The following TBK1 variants were observed in gnomAD, a reference collection of about 807,000 sequenced individuals.
TBK1 encodes the protein TANK binding kinase 1.
Under a neutral mutation model 99.9 loss-of-function variants are expected in TBK1, and 37 were observed. The ratio of observed to expected loss-of-function variants is 0.37; its 90% CI spans 0.28 to 0.49. The LOEUF (loss-of-function observed/expected upper bound fraction) is 0.49, where lower values mean the gene tolerates loss of function less well. Among genes scored for constraint, TBK1 ranks in the 20% least tolerant of loss-of-function variants. TBK1 has a pLI of 0.98. For synonymous variants in TBK1, 258 were observed against 279.8 expected (o/e 0.92, Z 0.78); for missense variants, 644 against 872.5 (o/e 0.74, Z 3.30).
At chr12:64,474,478 TA>T (rs1464408830) in intron 6 of TBK1, 88 bp downstream of exon 6, 1 of 1,265,738 alleles carries the variant, frequency 7.9e-7, no homozygotes, top group African/African-American at 1.5e-5. Context: ...TTTATGCTAA[TA>T]AAAATTGATT....
chr12:64,497,103 A>G lies in TBK1; in HGVS notation c.1862+53A>G, dbSNP rs2040934398. The G allele has an allele frequency of 2.5e-6, 4 of 1,576,980 alleles. No individual in the cohort carries two copies. The South Asian group carries it at 4.5e-5, about 18-fold the overall frequency. ...GTGGTTGACTGCACAATATAAATGTATATTTGAAGTAAGAATGCTTCACTA... is the reference window on the plus strand; with the variant it reads ...GTGGTTGACTGCACAATATAAATGTGTATTTGAAGTAAGAATGCTTCACTA... On this transcript the variant is annotated intron_variant, in intron 17 of 20. Transcript: ENST00000331710.
intron 5 of TBK1, among the ~76,000 whole-genome samples, chr12:64,473,992 G>A (rs913120311): frequency 6.6e-6 from 1 of 152,126 alleles, no homozygotes; most frequent in African/African-American, 2.4e-5. Context: ...GGGAGTGCTG[G>A]TCTGATTCCT....
rs1320856352 is a variant in TBK1 at position 64,455,835 on chromosome 12, C to G, written c.-31-5C>G. On this transcript the variant is annotated splice_region_variant and splice_polypyrimidine_tract_variant and intron_variant, in intron 1 of 20. Coordinates refer to ENST00000331710, the MANE Select transcript of TBK1 (RefSeq NM_013254.4). ...ACATAGTTGCAAATTTTTTTTTTCT[C>G]TTAGTATAACAAGAGGATTGCCTGA... 5 of 1,545,482 alleles carry G rather than the reference C, an allele frequency of 3.2e-6. No individual in the cohort carries two copies. The highest frequency in any genetic ancestry group is 3.5e-6 in the Non-Finnish European group (4 of 1,143,232).
At chr12:64,476,723 A>G (rs957616583) in intron 6 of TBK1, among the ~76,000 whole-genome samples, 1 of 152,012 alleles carries the variant, frequency 6.6e-6, no homozygotes, top group Non-Finnish European at 1.5e-5. Flanking sequence ...ATTTTGGGGT[A>G]TTCATCCTGA....
rs185560752 is a variant in TBK1, at chr12:64,491,245, G to A, written c.1521+1126G>A. On this transcript the variant is annotated intron_variant, in intron 13 of 20. Coordinates refer to ENST00000331710, the MANE Select transcript of TBK1 (RefSeq NM_013254.4). Reference sequence around the variant, plus strand: ...GGCCTTTTAATTCTTTGCATCCTTGGTTTCTTTTTCTCTAAAATCAGCAAT... The same window carrying A: ...GGCCTTTTAATTCTTTGCATCCTTGATTTCTTTTTCTCTAAAATCAGCAAT... 1.3e-3 allele frequency among the ~76,000 whole-genome samples: 205 copies of A among 152,158 alleles called. 3 individuals carry two copies. Among genetic ancestry groups the A allele is most frequent in the Admixed American group, 0.013 (201 of 15,278 alleles).
Position 64,460,335 on chromosome 12 carries a change from T to C in TBK1, c.228+6T>C, listed in dbSNP as rs2040533585. The C allele has an allele frequency of 2.6e-6, 4 of 1,534,546 alleles. No individual in the cohort carries two copies. The highest frequency in any genetic ancestry group is 3.5e-6 in the Non-Finnish European group (4 of 1,136,100). On this transcript the variant is annotated splice_donor_region_variant and intron_variant, in intron 3 of 20. Transcript: ENST00000331710. ...TATTTGCTATTGAAGAGGAGGTAAG[T>C]AGTAAAACTTCAATCTTATATTTAT...
At chr12:64,488,465 T>G (rs955642319) in intron 11 of TBK1, 22 bp from the exon 12 acceptor site, 5 of 1,432,046 alleles carry the variant, frequency 3.5e-6, no homozygotes. Flanking sequence ...ATAAACTAAT[T>G]AGAATAATTT....
intron 7 of TBK1, 127 bp downstream of exon 7, chr12:64,480,249 ATGTGCTT>A (rs2040756106): frequency 1.7e-6 from 1 of 585,348 alleles, no homozygotes; most frequent in Non-Finnish European, 2.9e-6. Context: ...TTGTCAAAGC[ATGTGCTT>A]TGATAAATGA....
At chr12:64,454,277 C>G (rs888257471) in intron 1 of TBK1, among the ~76,000 whole-genome samples, 1 of 152,174 alleles carries the variant, frequency 6.6e-6, no homozygotes, top group East Asian at 1.9e-4. Flanking sequence ...GATGGAGTCT[C>G]GCTCTGTCAC....
rs1481381583 is a variant in TBK1 at position 64,464,376 on chromosome 12, T to C, written c.271T>C (p.Cys91Arg). The part of the protein sequence containing the change: ...HKVLIMEFCP[C>R]GSLYTVLEEP... Reference sequence around the variant, plus strand: ...AGTACTTATTATGGAATTTTGTCCATGTGGGAGTTTATACACTGTTTTAGA... The same window carrying C: ...AGTACTTATTATGGAATTTTGTCCACGTGGGAGTTTATACACTGTTTTAGA... Residue 91 changes from cysteine to arginine, a missense_variant, in exon 4 of 21, where the codon TGT becomes CGT. Transcript: ENST00000331710. 1.2e-6 allele frequency: 2 copies of C among 1,606,376 alleles called. No homozygotes were observed. Among genetic ancestry groups the C allele is most frequent in the Admixed American group, 3.4e-5 (2 of 58,822 alleles).
chr12:64,455,683 T>C (rs761946275), intron 1 of TBK1, among the ~76,000 whole-genome samples, 157 bp from the exon 2 acceptor site: 8 of 152,232 alleles, frequency 5.3e-5, no homozygotes, highest in Non-Finnish European at 1.0e-4. Flanking sequence ...GACTTGAAAA[T>C]ACTTTGAAAC....
intron 5 of TBK1, among the ~76,000 whole-genome samples, chr12:64,472,068 T>C (rs2040667637): frequency 6.6e-6 from 1 of 151,792 alleles, no homozygotes; most frequent in African/African-American, 2.4e-5. Context: ...TGGCAATCAC[T>C]TCTTTGGACA....
At chr12:64,485,422 T>A in intron 9 of TBK1, 33 bp from the exon 10 acceptor site, 1 of 1,232,732 alleles carries the variant, frequency 8.1e-7, no homozygotes, top group Non-Finnish European at 1.1e-6. Context: ...TCAAAAAGTT[T>A]TCTTTCTCAT....
intron 2 of TBK1, among the ~76,000 whole-genome samples, chr12:64,456,758 T>C (rs547267373): frequency 3.8e-4 from 57 of 150,010 alleles, no homozygotes; most frequent in Non-Finnish European, 5.9e-4. Flanking sequence ...AGGAGAATGG[T>C]GTGAACCCAG....
chr12:64,469,485 G>A (rs962421500), intron 5 of TBK1, among the ~76,000 whole-genome samples: 1 of 152,134 alleles, frequency 6.6e-6, no homozygotes, highest in Non-Finnish European at 1.5e-5. Flanking sequence ...TCATTTCTCT[G>A]TTGGTGGTCT....
intron 2 of TBK1, among the ~76,000 whole-genome samples, chr12:64,458,086 AACACACACAC>A (rs71092969): frequency 1.4e-5 from 2 of 143,664 alleles, no homozygotes; most frequent in South Asian, 2.2e-4. Flanking sequence ...GTCTCTACTA[AACACACACAC>A]ACACACACAC....
chr12:64,470,682 G>C (rs868015989), intron 5 of TBK1, among the ~76,000 whole-genome samples: 1 of 152,162 alleles, frequency 6.6e-6, no homozygotes, highest in Non-Finnish European at 1.5e-5. Context: ...TATATAGGAG[G>C]ATCATTTTTC....
In TBK1 at chr12:64,492,976, A is replaced by G. The variant is rs536225606; in HGVS notation, c.1522-2507A>G. The stretch of plus-strand genomic sequence containing the variant: ...AGTGGTACAGTCTCGGCTCACCACA[A>G]GCTCCGCCTCCTGGGTTCACGCCAT... On this transcript the variant is annotated intron_variant, in intron 13 of 20. Coordinates refer to ENST00000331710, the MANE Select transcript of TBK1 (RefSeq NM_013254.4). Among the ~76,000 whole-genome samples, 14 of 149,806 alleles carry G rather than the reference A, an allele frequency of 9.3e-5. No individual in the cohort carries two copies. The South Asian group carries it at 2.7e-3, about 29-fold the overall frequency.
intron 6 of TBK1, among the ~76,000 whole-genome samples, chr12:64,479,567 G>A (rs117936898): frequency 0.01 from 1,535 of 152,248 alleles, 7 homozygotes; most frequent in Non-Finnish European, 0.016. Flanking sequence ...GCTCTATATA[G>A]TATAATCTTT....
Sources: gnomAD v4.1 joint callset for allele counts (sites outside exome capture counted in the v4.1 genomes callset) on GRCh38, gnomAD v4.1.1 for gene constraint, MANE v1.5 for transcripts, NCBI Gene and HGNC (gene_info 2026-07-23, HGNC 2026-07-21) for gene names.